RORA: variants seen among roughly 807,000 people sequenced by gnomAD.
RORA encodes nuclear receptor ROR-alpha.
Under a neutral mutation model 69.5 loss-of-function variants are expected in RORA, and 7 were observed. The ratio of observed to expected loss-of-function variants is 0.10; its 90% CI spans 0.06 to 0.19. The LOEUF is 0.19. Among genes scored for constraint, RORA ranks in the 10% least tolerant of loss-of-function variants. The probability of loss-of-function intolerance (pLI) is 1.00; values close to 1 mark genes in which losing one functional copy is unlikely to be tolerated. For synonymous variants in RORA, 261 were observed against 240.8 expected (o/e 1.08, Z -0.78); for missense variants, 457 against 663.0 (o/e 0.69, Z 3.41).
At chr15:60,755,372 T>C (rs1352024475) in intron 1 of RORA, among the ~76,000 whole-genome samples, 1 of 152,022 alleles carries the variant, frequency 6.6e-6, no homozygotes, top group Non-Finnish European at 1.5e-5. Context: ...ATTTTCTTAA[T>C]CCAGTCTATC....
At chr15:61,223,827 C>G (rs1322806912) in intron 1 of RORA, among the ~76,000 whole-genome samples, 1 of 152,012 alleles carries the variant, frequency 6.6e-6, no homozygotes, top group Non-Finnish European at 1.5e-5. Flanking sequence ...GTCCTGGCAC[C>G]CTTAGAGAAA....
chr15:60,972,519 C>T (rs1018805760), intron 1 of RORA, among the ~76,000 whole-genome samples: 1 of 152,094 alleles, frequency 6.6e-6, no homozygotes, highest in Non-Finnish European at 1.5e-5. Context: ...ATGAGTATGG[C>T]TGAGTGTTCG....
chr15:60,819,809 T>A (rs2072870211), intron 1 of RORA, among the ~76,000 whole-genome samples: 1 of 141,356 alleles, frequency 7.1e-6, no homozygotes, highest in African/African-American at 3.0e-5. Flanking sequence ...TGCTTTTTCA[T>A]GGGTGGAACT....
intron 1 of RORA, among the ~76,000 whole-genome samples, chr15:61,089,200 G>A (rs996750714): frequency 6.6e-6 from 1 of 152,148 alleles, no homozygotes; most frequent in African/African-American, 2.4e-5. Context: ...GGCTTTTCCA[G>A]TTTCTCTTAG....
At chr15:61,221,223 G>C (rs540933741) in intron 1 of RORA, among the ~76,000 whole-genome samples, 1 of 152,306 alleles carries the variant, frequency 6.6e-6, no homozygotes, top group South Asian at 2.1e-4. Flanking sequence ...GGGATCAAGA[G>C]GATTTCTTCC....
At chr15:61,020,459 A>G (rs897397392) in intron 1 of RORA, among the ~76,000 whole-genome samples, 1 of 152,218 alleles carries the variant, frequency 6.6e-6, no homozygotes. Flanking sequence ...CAGTGACTCA[A>G]TACTTTTCAG....
At chr15:61,169,097 C>T (rs971266115) in intron 1 of RORA, among the ~76,000 whole-genome samples, 3 of 142,542 alleles carry the variant, frequency 2.1e-5, no homozygotes, top group Admixed American at 7.0e-5. Context: ...CATAAGAACA[C>T]TCCTGAAGGC....
intron 1 of RORA, among the ~76,000 whole-genome samples, chr15:60,964,997 C>A (rs754574441): frequency 1.3e-5 from 2 of 152,118 alleles, no homozygotes; most frequent in African/African-American, 2.4e-5. Flanking sequence ...TTCCCTGGAC[C>A]AAAGAGAAGC....
chr15:60,622,962 C>T (rs529427029), intron 2 of RORA, among the ~76,000 whole-genome samples: 17 of 152,258 alleles, frequency 1.1e-4, no homozygotes, highest in African/African-American at 3.8e-4. Flanking sequence ...GTGATCCACC[C>T]GCCTCAGTCT....
chr15:61,148,715 C>T (rs1276625779), intron 1 of RORA, among the ~76,000 whole-genome samples: 1 of 152,082 alleles, frequency 6.6e-6, no homozygotes, highest in Non-Finnish European at 1.5e-5. Context: ...ATTCTCTAAC[C>T]AAATGTCCAA....
At chr15:60,986,669 T>C (rs954462608) in intron 1 of RORA, among the ~76,000 whole-genome samples, 2 of 152,228 alleles carry the variant, frequency 1.3e-5, no homozygotes, top group African/African-American at 2.4e-5. Flanking sequence ...CCCTGAGTTT[T>C]TGAAAGGCTC....
At chr15:60,699,880 G>T (rs1046805863) in intron 1 of RORA, among the ~76,000 whole-genome samples, 1 of 151,580 alleles carries the variant, frequency 6.6e-6, no homozygotes, top group African/African-American at 2.4e-5. Context: ...ATTTATACAA[G>T]CTTGTTTAGA....
At position 60,489,742 on chromosome 15, in the gene RORA, T is replaced by C. The variant is rs1290171093; in HGVS notation, c.*7713A>G. The C allele has an allele frequency of 6.6e-6, 1 of 152,178 alleles. No homozygotes were observed. Among genetic ancestry groups the C allele is most frequent in the East Asian group, 1.9e-4 (1 of 5,200 alleles). The allele number at this position is 152,178 out of a possible 1,614,324, so 9.4% of individuals were successfully genotyped here. A position where few individuals can be genotyped will look rare whatever the true frequency, so the allele number is the denominator to read the frequency against. On this transcript the variant is annotated 3_prime_UTR_variant, in exon 11 of 11. Coordinates refer to ENST00000335670, the MANE Select transcript of RORA (RefSeq NM_134261.3). ...TGACTCAGGTAGGAGGGGAAAGGTT[T>C]ATTCTGCCATCAAGCCATCTAGGAT...
chr15:60,827,987 A>G (rs1046320196), intron 1 of RORA, among the ~76,000 whole-genome samples: 5 of 152,220 alleles, frequency 3.3e-5, no homozygotes, highest in Non-Finnish European at 5.9e-5. Flanking sequence ...GGATGAAGTA[A>G]GACAGATTCG....
At chr15:60,609,058 AT>A (rs2069019681) in intron 2 of RORA, among the ~76,000 whole-genome samples, 1 of 152,156 alleles carries the variant, frequency 6.6e-6, no homozygotes, top group African/African-American at 2.4e-5. Context: ...CATTAATTTC[AT>A]TAAGTCTTCC....
intron 2 of RORA, among the ~76,000 whole-genome samples, chr15:60,646,605 T>G (rs1022571691): frequency 2.0e-5 from 3 of 152,252 alleles, no homozygotes; most frequent in Non-Finnish European, 4.4e-5. Flanking sequence ...GTGGCACCAC[T>G]GTCCCCCAAT....
intron 2 of RORA, among the ~76,000 whole-genome samples, chr15:60,552,079 C>T (rs1200398962): frequency 1.3e-5 from 2 of 152,180 alleles, no homozygotes; most frequent in African/African-American, 4.8e-5. Flanking sequence ...TAGGGAGAGG[C>T]AGTGAGCCTT....
intron 2 of RORA, among the ~76,000 whole-genome samples, chr15:60,625,645 G>A (rs73424063): frequency 0.023 from 3,547 of 152,292 alleles, 112 homozygotes; most frequent in African/African-American, 0.077. Flanking sequence ...AATTGTGTAC[G>A]AAATTGCTAT....
chr15:60,696,186 C>T (rs928039814), intron 1 of RORA, among the ~76,000 whole-genome samples: 5 of 152,198 alleles, frequency 3.3e-5, no homozygotes, highest in African/African-American at 1.2e-4. Context: ...GAGTCTCCTT[C>T]ATCTAAAGGA....
Sources: allele counts gnomAD v4.1 joint callset (sites outside exome capture counted in the v4.1 genomes callset), GRCh38; gene constraint gnomAD v4.1.1; transcripts MANE v1.5; gene names NCBI Gene and HGNC (gene_info 2026-07-23, HGNC 2026-07-21).